The following TSPEAR variants were observed in gnomAD, a reference collection of about 807,000 sequenced individuals.
The protein encoded by TSPEAR is thrombospondin-type laminin G domain and EAR repeat-containing protein.
Under a neutral mutation model 71.6 loss-of-function variants are expected in TSPEAR, and 69 were observed. That is an observed-to-expected ratio of 0.96 (90% confidence interval 0.79 to 1.18). The LOEUF is 1.18. Among genes scored for constraint, TSPEAR ranks in the 50% most tolerant of loss-of-function variants. The pLI is 0.00. For missense variants in TSPEAR, 971 were observed against 894.9 expected, an observed-to-expected ratio of 1.09 and a Z score of -1.09; for synonymous variants, 402 against 387.2, an observed-to-expected ratio of 1.04 and a Z score of -0.45.
chr21:44,570,667 A>G (rs1310525076), intron 1 of TSPEAR, among the ~76,000 whole-genome samples: 1 of 152,176 alleles, frequency 6.6e-6, no homozygotes, highest in African/African-American at 2.4e-5. Flanking sequence ...AGATGAGGAA[A>G]TGGAACCCAC....
At chr21:44,592,119 A>AC in intron 1 of TSPEAR, 1 of 1,462,180 alleles carries the variant, frequency 6.8e-7, no homozygotes, top group Non-Finnish European at 9.2e-7. Flanking sequence ...CACAGCACAC[A>AC]GGCTTGCAGC....
intron 1 of TSPEAR, among the ~76,000 whole-genome samples, chr21:44,608,776 A>G (rs1981472038): frequency 6.6e-6 from 1 of 152,252 alleles, no homozygotes; most frequent in African/African-American, 2.4e-5. Flanking sequence ...TTATAAAATC[A>G]ACTAGTGAGG....
intron 1 of TSPEAR, chr21:44,658,003 A>C: frequency 6.2e-7 from 1 of 1,613,638 alleles, no homozygotes; most frequent in Non-Finnish European, 8.5e-7. Context: ...GCTGCTCCCC[A>C]GCCTGCCAGC....
In TSPEAR at chr21:44,612,790, CCCTGCCTCCT is replaced by C. The variant is rs782435373; in HGVS notation, c.83-44795_83-44786del. Reference sequence around the variant, plus strand: ...GTGTGCCTGTCCCCTCCTGTTGTGTCCCTGCCTCCTCCTGCCAGCCCAGCTGCTGCCACCC... The same window carrying C: ...GTGTGCCTGTCCCCTCCTGTTGTGTCCCTGCCAGCCCAGCTGCTGCCACCC... On this transcript the variant is annotated intron_variant, in intron 1 of 11. Coordinates refer to ENST00000323084, the MANE Select transcript of TSPEAR (RefSeq NM_144991.3). The surrounding 1 kb of genome is among the most constrained non-coding windows in gnomAD (Gnocchi z 4.1). 1.9e-6 allele frequency: 3 copies of C among 1,613,468 alleles called. No homozygotes were observed. The African/African-American group carries it at 4.0e-5, about 22-fold the overall frequency.
At chr21:44,677,966 C>T in intron 1 of TSPEAR, 1 of 1,220,528 alleles carries the variant, frequency 8.2e-7, no homozygotes. Flanking sequence ...CAGTAGTCAA[C>T]CACAGAGCTG....
At chr21:44,601,745 T>G in intron 1 of TSPEAR, 2 of 1,602,698 alleles carry the variant, frequency 1.2e-6, no homozygotes, top group Non-Finnish European at 1.7e-6. Context: ...GTGATCTCCT[T>G]AAGATCATCC....
chr21:44,521,667 C>T lies in TSPEAR; in HGVS notation c.1566+216G>A, dbSNP rs369744158. ...CAGGCACCTGGACTGTCCCTGGGCG[C>T]ACAGAGGCTCTCAGGCAAGAAGGGC... On this transcript the variant is annotated intron_variant, in intron 9 of 11. Coordinates refer to ENST00000323084, the MANE Select transcript of TSPEAR (RefSeq NM_144991.3). 6.6e-5 allele frequency among the ~76,000 whole-genome samples: 10 copies of T among 152,376 alleles called. No homozygotes were observed. The East Asian group carries it at 1.4e-3, about 21-fold the overall frequency.
At chr21:44,541,309 C>T (rs1162022115) in intron 2 of TSPEAR, among the ~76,000 whole-genome samples, 1 of 152,204 alleles carries the variant, frequency 6.6e-6, no homozygotes. Context: ...GAGCTCTGAA[C>T]GCGATTCCAT....
At chr21:44,665,829 C>T (rs1304309450) in intron 1 of TSPEAR, among the ~76,000 whole-genome samples, 4 of 152,218 alleles carry the variant, frequency 2.6e-5, no homozygotes, top group African/African-American at 7.2e-5. Context: ...AGATCCTCCG[C>T]GACCTGGGAA....
chr21:44,501,802 G>T (rs1291762800), intron 11 of TSPEAR, among the ~76,000 whole-genome samples: 1 of 152,116 alleles, frequency 6.6e-6, no homozygotes, highest in Non-Finnish European at 1.5e-5. Context: ...TTATTAAAAA[G>T]GTACCCAGGC....
intron 1 of TSPEAR, chr21:44,627,329 T>C: frequency 1.9e-6 from 3 of 1,613,160 alleles, no homozygotes; most frequent in East Asian, 2.2e-5. Context: ...GTGAGCCGTG[T>C]ATCCAGCCCC....
At chr21:44,692,906 T>A (rs185619667) in intron 1 of TSPEAR, among the ~76,000 whole-genome samples, 2 of 151,904 alleles carry the variant, frequency 1.3e-5, no homozygotes, top group Non-Finnish European at 2.9e-5. Flanking sequence ...GCCAAAACAA[T>A]CTTGAAAAAG....
chr21:44,698,804 C>T (rs1487350736), intron 1 of TSPEAR, among the ~76,000 whole-genome samples: 2 of 152,240 alleles, frequency 1.3e-5, no homozygotes, highest in Non-Finnish European at 2.9e-5. Flanking sequence ...CTACAACTCC[C>T]GTGTCTGAAG....
intron 1 of TSPEAR, among the ~76,000 whole-genome samples, chr21:44,674,553 T>TA (rs1448202864): frequency 2.0e-5 from 3 of 151,772 alleles, no homozygotes; most frequent in Non-Finnish European, 2.9e-5. Flanking sequence ...CCCAACTCTA[T>TA]AAAAAATACA....
At chr21:44,626,212 T>A (rs940417926) in intron 1 of TSPEAR, among the ~76,000 whole-genome samples, 1 of 152,234 alleles carries the variant, frequency 6.6e-6, no homozygotes, top group African/African-American at 2.4e-5. Context: ...AATTAGCTGC[T>A]GGGTAGCAAT....
At chr21:44,660,015 A>G (rs1985402389) in intron 1 of TSPEAR, among the ~76,000 whole-genome samples, 1 of 152,228 alleles carries the variant, frequency 6.6e-6, no homozygotes, top group African/African-American at 2.4e-5. Context: ...GTTCATCAGT[A>G]TACTTGATAC....
At chr21:44,665,736 A>T (rs1310992157) in intron 1 of TSPEAR, among the ~76,000 whole-genome samples, 1 of 152,214 alleles carries the variant, frequency 6.6e-6, no homozygotes, top group African/African-American at 2.4e-5. Context: ...GTAATTGATC[A>T]TCAGTCAATC....
chr21:44,531,543 G>T (rs1034333681), intron 3 of TSPEAR, among the ~76,000 whole-genome samples: 9 of 152,136 alleles, frequency 5.9e-5, no homozygotes, highest in Non-Finnish European at 1.3e-4. Flanking sequence ...TCCAGGTAAG[G>T]TCACATTCAC....
intron 1 of TSPEAR, chr21:44,601,786 C>T: frequency 6.4e-7 from 1 of 1,569,804 alleles, no homozygotes; most frequent in Non-Finnish European, 8.7e-7. Context: ...CACCTGCACC[C>T]CTGGATTCTT....
Sources: gnomAD v4.1 joint callset for allele counts (sites outside exome capture counted in the v4.1 genomes callset) on GRCh38, gnomAD v4.1.1 for gene constraint, Gnocchi (gnomAD v3.1) non-coding constraint, MANE v1.5 for transcripts, NCBI Gene and HGNC (gene_info 2026-07-23, HGNC 2026-07-21) for gene names.